Variants in MEGF11 observed in about 807,000 individuals in gnomAD.
MEGF11 encodes the protein multiple epidermal growth factor-like domains protein 11.
A neutral mutation model predicts 146.6 loss-of-function variants in MEGF11; 126 were observed. That is an observed-to-expected ratio of 0.86 (90% CI 0.74 to 1.00). The LOEUF is 1.00. Among genes scored for constraint, MEGF11 ranks in the 50% least tolerant of loss-of-function variants. The probability of loss-of-function intolerance (pLI) is 0.00; values close to 1 mark genes in which losing one functional copy is unlikely to be tolerated. For missense variants in MEGF11, 1,509 were observed against 1,521.2 expected, an observed-to-expected ratio of 0.99 and a Z score of 0.13; for synonymous variants, 532 against 583.4, an observed-to-expected ratio of 0.91 and a Z score of 1.27.
intron 5 of MEGF11, among the ~76,000 whole-genome samples, chr15:66,079,546 C>A (rs558694250): frequency 3.2e-4 from 48 of 150,178 alleles, no homozygotes; most frequent in Admixed American, 4.7e-4. Context: ...CACCCCCCCC[C>A]CCAGCACCCC....
chr15:66,029,098 T>C (rs1597007670), intron 5 of MEGF11, among the ~76,000 whole-genome samples: 1 of 152,092 alleles, frequency 6.6e-6, no homozygotes, highest in Non-Finnish European at 1.5e-5. Context: ...AATGAACAGT[T>C]GGATTCTGGA....
intron 1 of MEGF11, among the ~76,000 whole-genome samples, chr15:66,206,425 C>A (rs1386407070): frequency 1.3e-5 from 2 of 152,092 alleles, no homozygotes; most frequent in African/African-American, 4.8e-5. Flanking sequence ...AGACACTCAC[C>A]TACAGATTCA....
intron 10 of MEGF11, among the ~76,000 whole-genome samples, chr15:65,952,659 C>T (rs928202767): frequency 2.0e-5 from 3 of 152,272 alleles, no homozygotes; most frequent in Non-Finnish European, 2.9e-5. Context: ...GAAACGATGC[C>T]GTTTCCACTT....
At chr15:65,898,965 G>GC in intron 24 of MEGF11, 31 bp from the exon 25 acceptor site, 1 of 1,609,722 alleles carries the variant, frequency 6.2e-7, no homozygotes, top group Non-Finnish European at 8.5e-7. Flanking sequence ...CTTAGGACAA[G>GC]CAAGAATACA....
intron 1 of MEGF11, among the ~76,000 whole-genome samples, chr15:66,131,888 CG>C (rs1225012314): frequency 6.6e-6 from 1 of 152,046 alleles, no homozygotes; most frequent in Non-Finnish European, 1.5e-5. Context: ...CTGATGATAG[CG>C]GCTTAGGAAA....
At chr15:66,093,262 A>C (rs989636227) in intron 5 of MEGF11, among the ~76,000 whole-genome samples, 2 of 152,262 alleles carry the variant, frequency 1.3e-5, no homozygotes, top group African/African-American at 4.8e-5. Flanking sequence ...CATGCACTGC[A>C]TAGACAGAGA....
intron 1 of MEGF11, among the ~76,000 whole-genome samples, chr15:66,214,416 G>C (rs962715073): frequency 1.3e-5 from 2 of 152,102 alleles, no homozygotes; most frequent in African/African-American, 4.8e-5. Flanking sequence ...TCCCAGTTCT[G>C]GTCCTCATGC....
At chr15:65,922,180 T>C (rs2079192338) in intron 15 of MEGF11, 158 bp downstream of exon 15, 6 of 782,998 alleles carry the variant, frequency 7.7e-6, no homozygotes, top group African/African-American at 1.8e-5. Context: ...TCTCATGCCA[T>C]GTGGGGCTCA....
chr15:65,974,235 C>G (rs887380625), intron 7 of MEGF11, among the ~76,000 whole-genome samples: 1 of 152,034 alleles, frequency 6.6e-6, no homozygotes, highest in African/African-American at 2.4e-5. Flanking sequence ...AGCTTAGACT[C>G]TCCTCCACAC....
At chr15:66,185,873 A>C (rs967651388) in intron 1 of MEGF11, among the ~76,000 whole-genome samples, 2 of 152,168 alleles carry the variant, frequency 1.3e-5, no homozygotes, top group East Asian at 3.9e-4. Flanking sequence ...TTAAAAAGTC[A>C]AGCACACAGC....
At chr15:66,164,053 A>T (rs1353968663) in intron 1 of MEGF11, among the ~76,000 whole-genome samples, 2 of 152,114 alleles carry the variant, frequency 1.3e-5, no homozygotes, top group African/African-American at 2.4e-5. Context: ...GGCAGATGAG[A>T]GAAGGTTGTC....
At chr15:66,045,124 AT>A (rs530452906) in intron 5 of MEGF11, among the ~76,000 whole-genome samples, 61 of 152,366 alleles carry the variant, frequency 4.0e-4, no homozygotes, top group African/African-American at 1.3e-3. Context: ...TATATCGCTC[AT>A]ACAAAATCTA....
intron 1 of MEGF11, among the ~76,000 whole-genome samples, chr15:66,144,857 T>A (rs2089305261): frequency 6.6e-6 from 1 of 152,204 alleles, no homozygotes; most frequent in Non-Finnish European, 1.5e-5. Flanking sequence ...ATCTATCTCC[T>A]CAGCCATTAT....
chr15:66,041,634 C>G (rs2083983521), intron 5 of MEGF11, among the ~76,000 whole-genome samples: 1 of 152,234 alleles, frequency 6.6e-6, no homozygotes, highest in Admixed American at 6.5e-5. Flanking sequence ...CTACCTGTGT[C>G]TGCTTTTGCT....
intron 5 of MEGF11, among the ~76,000 whole-genome samples, chr15:66,016,361 A>G (rs78794722): frequency 0.025 from 3,655 of 146,338 alleles, 45 homozygotes; most frequent in Non-Finnish European, 0.032. Context: ...CCTCATTTAC[A>G]TGGTTCAATG....
intron 10 of MEGF11, among the ~76,000 whole-genome samples, chr15:65,951,329 G>C (rs933569607): frequency 2.6e-5 from 4 of 152,204 alleles, no homozygotes; most frequent in Non-Finnish European, 4.4e-5. Flanking sequence ...ACATATAGTA[G>C]TGCCCCCTTA....
intron 1 of MEGF11, among the ~76,000 whole-genome samples, chr15:66,134,803 A>C (rs2088818287): frequency 6.6e-6 from 1 of 152,294 alleles, no homozygotes; most frequent in Non-Finnish European, 1.5e-5. Context: ...TGGGCTGGAC[A>C]GCAAGCCACA....
chr15:65,987,286 A>G (rs922593573), intron 5 of MEGF11, among the ~76,000 whole-genome samples: 2 of 152,022 alleles, frequency 1.3e-5, no homozygotes, highest in Non-Finnish European at 2.9e-5. Flanking sequence ...TGGACACGGT[A>G]TGCTGGCAGC....
chr15:65,909,257 G>T (rs1409516337), intron 22 of MEGF11, 122 bp from the exon 23 acceptor site: 1 of 728,518 alleles, frequency 1.4e-6, no homozygotes, highest in Non-Finnish European at 2.4e-6. Context: ...GGACTTGGGG[G>T]CCTCTGTGTA....
Sources: gnomAD v4.1 joint callset for allele counts (sites outside exome capture counted in the v4.1 genomes callset) on GRCh38, gnomAD v4.1.1 for gene constraint, MANE v1.5 for transcripts, NCBI Gene and HGNC (gene_info 2026-07-23, HGNC 2026-07-21) for gene names.